The following RAPH1 variants were observed in gnomAD, a reference collection of about 807,000 sequenced individuals.
The protein encoded by RAPH1 is ras-associated and pleckstrin homology domains-containing protein 1.
In RAPH1, 18 loss-of-function variants were observed where a neutral mutation model predicts 88.1. The observed-to-expected ratio is 0.20, with a 90% confidence interval of 0.14 to 0.30. RAPH1 has a LOEUF of 0.30. RAPH1 is among the 10% of genes least tolerant of loss of function. RAPH1 has a pLI of 1.00. For missense variants in RAPH1, 1,448 were observed against 1,543.2 expected (o/e 0.94, Z 1.03); for synonymous variants, 587 against 559.0 (o/e 1.05, Z -0.71).
chr2:203,444,691 C>T, intron 13 of RAPH1, 177 bp downstream of exon 13: 1 of 468,008 alleles, frequency 2.1e-6, no homozygotes, highest in Non-Finnish European at 3.6e-6. Context: ...AAGGGGAAGT[C>T]AAATCAACAG....
At chr2:203,476,619 C>T (rs13034188) in intron 4 of RAPH1, among the ~76,000 whole-genome samples, 1 of 152,108 alleles carries the variant, frequency 6.6e-6, no homozygotes, top group Non-Finnish European at 1.5e-5. Flanking sequence ...CAGTACACCT[C>T]TGAAGCATCC....
At chr2:203,513,017 C>T (rs142326568) in intron 1 of RAPH1, among the ~76,000 whole-genome samples, 1 of 152,254 alleles carries the variant, frequency 6.6e-6, no homozygotes, top group African/African-American at 2.4e-5. Flanking sequence ...TGAGTAAAAA[C>T]AGACTTTCAT....
In RAPH1 at chr2:203,491,307, C is replaced by T. The variant is rs201667749; in HGVS notation, c.133G>A (p.Asp45Asn). Reference protein sequence around the residue: ...LDKLTQSLDSDKPMEPVKRSP... With the variant: ...LDKLTQSLDSNKPMEPVKRSP... ...CTTTTTACTGGTTCCATGGGCTTGT[C>T]AGAATCCAAACTCTTTATAAAAAGA... is the stretch of plus-strand genomic sequence containing the variant. Residue 45 changes from aspartate (D) to asparagine (N), a missense_variant, in exon 3 of 14, where the codon GAC (aspartate) becomes AAC (asparagine). Asp to Asn is a conservative substitution (Grantham distance 23). Around this residue, in one of 2 missense-constraint regions of RAPH1, gnomAD observed 513 missense variants for 653.1 expected, o/e 0.79. Coordinates refer to ENST00000319170, the MANE Select transcript of RAPH1 (RefSeq NM_213589.3). 2 of 1,609,376 alleles carry T rather than the reference C, an allele frequency of 1.2e-6. No individual in the cohort carries two copies. Among genetic ancestry groups the T allele is most frequent in the Non-Finnish European group, 1.7e-6 (2 of 1,177,574 alleles).
intron 2 of RAPH1, among the ~76,000 whole-genome samples, chr2:203,492,754 CTA>C (rs1201704989): frequency 2.0e-5 from 3 of 148,222 alleles, no homozygotes; most frequent in Non-Finnish European, 3.0e-5. Flanking sequence ...GCTGGATACT[CTA>C]TGTGTTTATA....
intron 1 of RAPH1, among the ~76,000 whole-genome samples, chr2:203,499,141 T>G (rs1435186724): frequency 1.3e-5 from 2 of 152,222 alleles, no homozygotes; most frequent in Non-Finnish European, 2.9e-5. Context: ...CTGTACAGAC[T>G]CTGCATCCAA....
At chr2:203,452,279 A>C (rs1288613568) in intron 10 of RAPH1, among the ~76,000 whole-genome samples, 1 of 152,202 alleles carries the variant, frequency 6.6e-6, no homozygotes, top group Non-Finnish European at 1.5e-5. Flanking sequence ...CACTTGAAAA[A>C]CAGCAGGTAC....
In RAPH1 at chr2:203,435,563, T is replaced by G. The variant is rs1419424355; in HGVS notation, c.*3874A>C. On this transcript the variant is annotated 3_prime_UTR_variant, in exon 14 of 14. Coordinates refer to ENST00000319170, the MANE Select transcript of RAPH1 (RefSeq NM_213589.3). ...AAGTTACCTGCAATCTAAAGGGTTTTCTTCCCCTAGAAACAGTCACCCTCT... is the reference window on the plus strand; with the variant it reads ...AAGTTACCTGCAATCTAAAGGGTTTGCTTCCCCTAGAAACAGTCACCCTCT... 2 of 152,130 alleles carry G rather than the reference T, an allele frequency of 1.3e-5. No homozygotes were observed. The highest frequency in any genetic ancestry group is 2.9e-5 in the Non-Finnish European group (2 of 68,028). 9.4% of individuals were successfully genotyped at this position (152,130 alleles called of 1,614,324 possible). A position where few individuals can be genotyped will look rare whatever the true frequency, so the allele number is the denominator to read the frequency against.
chr2:203,502,919 G>A (rs1472225422), intron 1 of RAPH1, among the ~76,000 whole-genome samples: 4 of 152,038 alleles, frequency 2.6e-5, no homozygotes, highest in African/African-American at 7.2e-5. Context: ...CGAGGCAGGC[G>A]GATCACCTTA....
intron 1 of RAPH1, among the ~76,000 whole-genome samples, chr2:203,515,772 C>G (rs1446391669): frequency 6.6e-6 from 1 of 152,122 alleles, no homozygotes; most frequent in Non-Finnish European, 1.5e-5. Context: ...AATTCTGTAC[C>G]TGGCAAAATC....
chr2:203,486,083 C>A (rs1687954139), intron 4 of RAPH1, among the ~76,000 whole-genome samples: 1 of 130,206 alleles, frequency 7.7e-6, no homozygotes, highest in Non-Finnish European at 1.7e-5. Context: ...AAGGATAATC[C>A]TGAAGACTAC....
chr2:203,531,526 C>CTGGATA (rs1690389901), intron 1 of RAPH1, among the ~76,000 whole-genome samples: 1 of 152,116 alleles, frequency 6.6e-6, no homozygotes, highest in East Asian at 1.9e-4. Flanking sequence ...ACAAAGAACT[C>CTGGATA]CTACAACTCA....
intron 4 of RAPH1, among the ~76,000 whole-genome samples, chr2:203,463,724 CTAAAAGAT>C (rs1201170156): frequency 6.6e-6 from 1 of 152,148 alleles, no homozygotes; most frequent in African/African-American, 2.4e-5. Context: ...ATTCCTCTGA[CTAAAAGAT>C]TAAATCATCC....
rs34628795 is a variant in RAPH1 at position 203,509,066 on chromosome 2, A to ATTTT, written c.1-13717_1-13714dup. 1.3e-4 allele frequency among the ~76,000 whole-genome samples: 16 copies of ATTTT among 120,476 alleles called. No individual in the cohort carries two copies. In the East Asian group the frequency reaches 3.4e-3, roughly 26 times the overall value. 79.0% of individuals were successfully genotyped at this position (120,476 alleles called of 152,430 possible). A position where few individuals can be genotyped will look rare whatever the true frequency, so the allele number is the denominator to read the frequency against. Reference sequence around the variant, plus strand: ...TGCAAAAAGAGTCATTTAAAAAATAATTTTTTTTTTTTTTTTTTTTTTTTA... The same window carrying ATTTT: ...TGCAAAAAGAGTCATTTAAAAAATAATTTTTTTTTTTTTTTTTTTTTTTTTTTTA... On this transcript the variant is annotated intron_variant, in intron 1 of 13. Coordinates refer to ENST00000319170, the MANE Select transcript of RAPH1 (RefSeq NM_213589.3).
At chr2:203,483,177 A>T (rs533000996) in intron 4 of RAPH1, among the ~76,000 whole-genome samples, 48 of 152,184 alleles carry the variant, frequency 3.2e-4, no homozygotes, top group Non-Finnish European at 6.5e-4. Context: ...TTAGGTTTGA[A>T]AAGAGATGAT....
intron 1 of RAPH1, among the ~76,000 whole-genome samples, chr2:203,533,990 T>C (rs1394508988): frequency 1.3e-5 from 2 of 152,146 alleles, no homozygotes; most frequent in Non-Finnish European, 2.9e-5. Flanking sequence ...CGAAGAGCTC[T>C]TTCCACCACC....
intron 2 of RAPH1, among the ~76,000 whole-genome samples, chr2:203,491,993 G>C (rs1688287849): frequency 6.6e-6 from 1 of 152,054 alleles, no homozygotes; most frequent in South Asian, 2.1e-4. Context: ...CAGCACTTTG[G>C]CAGGCAGAGG....
intron 4 of RAPH1, among the ~76,000 whole-genome samples, chr2:203,478,958 T>C (rs2105776239): frequency 6.6e-6 from 1 of 152,322 alleles, no homozygotes; most frequent in East Asian, 1.9e-4. Flanking sequence ...ATTAAGCATA[T>C]TCTGTTTCAA....
At chr2:203,501,858 G>C (rs17477127) in intron 1 of RAPH1, among the ~76,000 whole-genome samples, 65,622 of 148,044 alleles carry the variant, frequency 0.44, 16,440 homozygotes, top group Middle Eastern at 0.7. Flanking sequence ...TACAAATTCT[G>C]TAACTTCAAA....
intron 4 of RAPH1, among the ~76,000 whole-genome samples, chr2:203,482,905 A>C (rs1344101092): frequency 6.6e-6 from 1 of 152,224 alleles, no homozygotes; most frequent in Non-Finnish European, 1.5e-5. Context: ...ACGCCTCAAT[A>C]AGAAAGTGAC....
Sources: allele counts gnomAD v4.1 joint callset (sites outside exome capture counted in the v4.1 genomes callset), GRCh38; gene constraint gnomAD v4.1.1; regional missense constraint gnomAD v4.1.1; transcripts MANE v1.5; gene names NCBI Gene and HGNC (gene_info 2026-07-23, HGNC 2026-07-21).